Variants in PDS5B observed in about 807,000 individuals in gnomAD.
PDS5B encodes sister chromatid cohesion protein PDS5 homolog B.
A neutral mutation model predicts 184.1 loss-of-function variants in PDS5B; 51 were observed. The ratio of observed to expected loss-of-function variants is 0.28; its 90% CI spans 0.22 to 0.35. PDS5B has a LOEUF of 0.35. PDS5B is among the 10% of genes least tolerant of loss of function. The pLI is 1.00. For missense variants in PDS5B, 1,180 were observed against 1,723.3 expected (o/e 0.68, Z 5.58); for synonymous variants, 566 against 569.2 (o/e 0.99, Z 0.08).
intron 19 of PDS5B, among the ~76,000 whole-genome samples, chr13:32,724,645 G>A (rs759076605): frequency 1.4e-4 from 22 of 152,028 alleles, no homozygotes; most frequent in South Asian, 4.2e-4. Flanking sequence ...GCAGTGGTGC[G>A]ATCACAGCTC....
Position 32,688,638 on chromosome 13 carries a change from C to T in PDS5B, c.1469+69C>T, listed in dbSNP as rs369370930. 4.6e-3 allele frequency: 4,003 copies of T among 875,908 alleles called. 151 individuals are homozygous for T. In the South Asian group the frequency reaches 0.051, roughly 11 times the overall value. 54.3% of individuals were successfully genotyped at this position (875,908 alleles called of 1,614,324 possible). ...TATATTGGATTTTATGGAAAAGAAA[C>T]TACAAACACCTGTATTTTAAAATGT... On this transcript the variant is annotated intron_variant, in intron 13 of 34. Coordinates refer to ENST00000315596, the MANE Select transcript of PDS5B (RefSeq NM_015032.4).
intron 1 of PDS5B, among the ~76,000 whole-genome samples, chr13:32,597,738 T>A (rs1472879982): frequency 1.3e-5 from 2 of 151,668 alleles, no homozygotes; most frequent in Non-Finnish European, 2.9e-5. Flanking sequence ...TACCAGCTAC[T>A]CAGGAGGCTG....
chr13:32,767,967 A>T (rs1954637743), intron 31 of PDS5B, among the ~76,000 whole-genome samples: 1 of 152,228 alleles, frequency 6.6e-6, no homozygotes, highest in Admixed American at 6.5e-5. Context: ...CTTGTTCAAA[A>T]CATATAAAAT....
intron 24 of PDS5B, among the ~76,000 whole-genome samples, chr13:32,751,556 C>G (rs1024258142): frequency 1.3e-5 from 2 of 152,164 alleles, no homozygotes; most frequent in African/African-American, 2.4e-5. Flanking sequence ...GCCGTTCTGA[C>G]TGGTATGAGA....
At chr13:32,721,213 G>A (rs1356104150) in intron 19 of PDS5B, among the ~76,000 whole-genome samples, 1 of 152,002 alleles carries the variant, frequency 6.6e-6, no homozygotes, top group East Asian at 1.9e-4. Context: ...TCCCAGACGT[G>A]GCAGCCGGGC....
chr13:32,603,742 T>TA (rs1279071785), intron 1 of PDS5B, among the ~76,000 whole-genome samples: 8 of 152,238 alleles, frequency 5.3e-5, no homozygotes, highest in Admixed American at 5.2e-4. Flanking sequence ...GGAATGTTTG[T>TA]GTCCTCTTTT....
chr13:32,612,126 C>T (rs928951955), intron 1 of PDS5B, among the ~76,000 whole-genome samples: 3 of 151,400 alleles, frequency 2.0e-5, no homozygotes, highest in Non-Finnish European at 4.4e-5. Context: ...GGTGTAATTT[C>T]TCAGGGAGTT....
chr13:32,636,282 T>C (rs920907819), intron 1 of PDS5B, among the ~76,000 whole-genome samples: 1 of 152,210 alleles, frequency 6.6e-6, no homozygotes, highest in Non-Finnish European at 1.5e-5. Context: ...ATGAAAGAGC[T>C]TTGAAAACCA....
At chr13:32,764,745 C>T (rs1012170683) in intron 31 of PDS5B, 151 bp downstream of exon 31, 2 of 462,698 alleles carry the variant, frequency 4.3e-6, no homozygotes, top group Non-Finnish European at 7.6e-6. Context: ...TATAATTATC[C>T]TCTATGTAAT....
chr13:32,719,307 C>T (rs1432469341), intron 19 of PDS5B, among the ~76,000 whole-genome samples: 1 of 152,080 alleles, frequency 6.6e-6, no homozygotes, highest in Admixed American at 6.5e-5. Context: ...CTCAGCCTCC[C>T]AAGTTGTTGT....
At chr13:32,605,438 A>G (rs1459406603) in intron 1 of PDS5B, among the ~76,000 whole-genome samples, 3 of 152,210 alleles carry the variant, frequency 2.0e-5, no homozygotes, top group Non-Finnish European at 2.9e-5. Context: ...TCTGAGAGAC[A>G]GTTTGTTATA....
intron 1 of PDS5B, among the ~76,000 whole-genome samples, chr13:32,643,012 T>G (rs1950137245): frequency 6.6e-6 from 1 of 152,158 alleles, no homozygotes; most frequent in African/African-American, 2.4e-5. Flanking sequence ...GCTTGATAAA[T>G]TTTTGGTTAC....
At chr13:32,591,435 CTG>C (rs2057774318) in intron 1 of PDS5B, among the ~76,000 whole-genome samples, 1 of 152,110 alleles carries the variant, frequency 6.6e-6, no homozygotes, top group Non-Finnish European at 1.5e-5. Flanking sequence ...TATTTTTTAA[CTG>C]TGATTTACTT....
chr13:32,627,852 G>A (rs2058393539), intron 1 of PDS5B, among the ~76,000 whole-genome samples: 1 of 152,146 alleles, frequency 6.6e-6, no homozygotes, highest in East Asian at 1.9e-4. Context: ...ACACTGGGAG[G>A]TGGAGGAGAA....
At chr13:32,740,911 CTTT>C (rs375037267) in intron 21 of PDS5B, among the ~76,000 whole-genome samples, 166 bp from the exon 22 acceptor site, 1 of 143,124 alleles carries the variant, frequency 7.0e-6, no homozygotes. Flanking sequence ...GCCTTTCAAC[CTTT>C]TTTTTTTTTT....
At chr13:32,656,631 C>G (rs1187920341) in intron 3 of PDS5B, among the ~76,000 whole-genome samples, 1 of 142,560 alleles carries the variant, frequency 7.0e-6, no homozygotes, top group Non-Finnish European at 1.5e-5. Flanking sequence ...AAGTCTGGCT[C>G]TGTCACCCAG....
At chr13:32,646,369 GTTTTTTTTTTT>G (rs58539534) in intron 1 of PDS5B, among the ~76,000 whole-genome samples, 14 of 106,056 alleles carry the variant, frequency 1.3e-4, no homozygotes, top group East Asian at 3.6e-4. Context: ...TCATGGCTGT[GTTTTTTTTTTT>G]TTTTTTTTTT....
At chr13:32,768,947 C>CAAAAAAAAAAA (rs770324221) in intron 31 of PDS5B, among the ~76,000 whole-genome samples, 515 of 83,528 alleles carry the variant, frequency 6.2e-3, no homozygotes, top group Non-Finnish European at 8.0e-3. Context: ...TAAAAAAATA[C>CAAAAAAAAAAA]AAAAAAAAAA....
intron 1 of PDS5B, among the ~76,000 whole-genome samples, chr13:32,606,898 A>G (rs1000795312): frequency 1.3e-5 from 2 of 152,278 alleles, no homozygotes; most frequent in South Asian, 2.1e-4. Context: ...TTCTCGTGCC[A>G]TGGTTTTCAG....
Sources: gnomAD v4.1 joint callset for allele counts (sites outside exome capture counted in the v4.1 genomes callset) on GRCh38, gnomAD v4.1.1 for gene constraint, MANE v1.5 for transcripts, NCBI Gene and HGNC (gene_info 2026-07-23, HGNC 2026-07-21) for gene names.